IFTAP: variants seen among roughly 807,000 people sequenced by gnomAD.
IFTAP encodes the protein intraflagellar transport-associated protein.
A neutral mutation model predicts 19.4 loss-of-function variants in IFTAP; 19 were observed. The ratio of observed to expected loss-of-function variants is 0.98; its 90% CI spans 0.68 to 1.44. The LOEUF (loss-of-function observed/expected upper bound fraction) is 1.44. IFTAP is among the 40% of genes most tolerant of loss of function. The pLI is 0.00. For missense variants in IFTAP, 240 were observed against 253.6 expected, an observed-to-expected ratio of 0.95 and a Z score of 0.36; for synonymous variants, 85 against 83.5, an observed-to-expected ratio of 1.02 and a Z score of -0.10.
At chr11:36,645,126 A>G (rs1363896581) in intron 4 of IFTAP, among the ~76,000 whole-genome samples, 1 of 152,124 alleles carries the variant, frequency 6.6e-6, no homozygotes. Flanking sequence ...AAATGAACAG[A>G]CTGGTTAATT....
At chr11:36,609,987 G>C in intron 1 of IFTAP, 94 bp from the exon 2 acceptor site, 1 of 1,123,338 alleles carries the variant, frequency 8.9e-7, no homozygotes, top group Non-Finnish European at 1.3e-6. Flanking sequence ...CTTTGTTTTG[G>C]AGCCTTGGAA....
chr11:36,633,304 G>A lies in IFTAP; in HGVS notation c.157G>A (p.Gly53Arg). The change falls in exon 3 of 6, where the codon GGA (glycine) becomes AGA (arginine). Residue 53 changes from glycine (G) to arginine (R), a missense_variant. Gly to Arg is a moderately radical substitution (Grantham distance 125). Transcript: ENST00000334307. ...LSQEDHVSKR[G>R]VFGTDSSENI... ...TTCAGAGGATCATGTGTCCAAAAGG[G>A]GAGTGTTTGGAACTGATTCTTCAGA... The A allele has an allele frequency of 6.4e-7, 1 of 1,569,472 alleles. No homozygotes were observed. Among genetic ancestry groups the A allele is most frequent in the South Asian group, 1.2e-5 (1 of 80,852 alleles).
intron 2 of IFTAP, among the ~76,000 whole-genome samples, chr11:36,611,302 C>T (rs1851867835): frequency 6.6e-6 from 1 of 152,056 alleles, no homozygotes; most frequent in Non-Finnish European, 1.5e-5. Flanking sequence ...TACCTAGCTA[C>T]ACATTAGACT....
intron 4 of IFTAP, among the ~76,000 whole-genome samples, chr11:36,641,038 A>G (rs1217954513): frequency 6.6e-6 from 1 of 152,132 alleles, no homozygotes; most frequent in Non-Finnish European, 1.5e-5. Context: ...AAAGAAAAAT[A>G]TCCACAACTA....
intron 1 of IFTAP, among the ~76,000 whole-genome samples, chr11:36,607,724 A>G (rs1454171460): frequency 6.6e-6 from 1 of 151,912 alleles, no homozygotes; most frequent in Non-Finnish European, 1.5e-5. Flanking sequence ...CCTAGGACGG[A>G]GTGCAATGGT....
Position 36,619,136 on chromosome 11 carries a change from T to A in IFTAP, c.136+8897T>A, listed in dbSNP as rs187002631. On this transcript the variant is annotated intron_variant, in intron 2 of 5. Coordinates refer to ENST00000334307, the MANE Select transcript of IFTAP (RefSeq NM_138787.4). ...GTCTTTTAATTTTTTTTTTCTTTAT[T>A]GAGCGTTCGTTCTGTCAAGAGCTTA... Among the ~76,000 whole-genome samples the A allele has an allele frequency of 1.1e-4, 16 of 152,110 alleles. No homozygotes were observed. The East Asian group carries it at 2.9e-3, about 28-fold the overall frequency.
chr11:36,649,971 T>C (rs868445427), intron 5 of IFTAP, among the ~76,000 whole-genome samples: 1 of 152,116 alleles, frequency 6.6e-6, no homozygotes, highest in Non-Finnish European at 1.5e-5. Flanking sequence ...CAATGCTCAT[T>C]GGAGCATTAT....
intron 1 of IFTAP, chr11:36,594,897 A>G (rs2133319993): frequency 6.6e-6 from 1 of 151,490 alleles, no homozygotes; most frequent in South Asian, 2.1e-4. Flanking sequence ...TCAAAACTAC[A>G]CCCCTGACGA....
At chr11:36,598,335 C>T (rs959823782) in intron 1 of IFTAP, 1 of 151,976 alleles carries the variant, frequency 6.6e-6, no homozygotes, top group African/African-American at 2.4e-5. Context: ...GAGGGAGATA[C>T]CCAACAGGGT....
intron 1 of IFTAP, among the ~76,000 whole-genome samples, chr11:36,599,194 A>G (rs1471127205): frequency 6.6e-6 from 1 of 152,158 alleles, no homozygotes; most frequent in Non-Finnish European, 1.5e-5. Context: ...GGGTTTTGCC[A>G]TGTTGGCCAG....
At chr11:36,647,868 A>G (rs1013687370) in intron 4 of IFTAP, 148 bp from the exon 5 acceptor site, 4 of 854,782 alleles carry the variant, frequency 4.7e-6, no homozygotes, top group African/African-American at 1.7e-5. Flanking sequence ...CCTTGAGTCC[A>G]GTTCCCAAAG....
intron 5 of IFTAP, among the ~76,000 whole-genome samples, chr11:36,652,089 A>C (rs1376497973): frequency 6.6e-6 from 1 of 152,180 alleles, no homozygotes; most frequent in Non-Finnish European, 1.5e-5. Flanking sequence ...TTCTGTGAAG[A>C]AAGTCATTGG....
chr11:36,607,546 A>G (rs1169136097), intron 1 of IFTAP, among the ~76,000 whole-genome samples: 2 of 152,140 alleles, frequency 1.3e-5, no homozygotes, highest in African/African-American at 2.4e-5. Context: ...TCTCATGTTA[A>G]TTCAATCAGG....
chr11:36,596,229 T>TG (rs980812622), intron 1 of IFTAP, among the ~76,000 whole-genome samples: 6 of 150,848 alleles, frequency 4.0e-5, no homozygotes, highest in African/African-American at 1.2e-4. Flanking sequence ...TTTGTTTTTT[T>TG]TTTTTTTTGC....
At chr11:36,597,385 G>A (rs867352974) in intron 1 of IFTAP, among the ~76,000 whole-genome samples, 6 of 152,292 alleles carry the variant, frequency 3.9e-5, no homozygotes, top group Non-Finnish European at 5.9e-5. Context: ...AAAACAGGCA[G>A]ATTTAAAAGA....
At chr11:36,602,752 CAGTT>C (rs1396495431) in intron 1 of IFTAP, among the ~76,000 whole-genome samples, 3 of 151,672 alleles carry the variant, frequency 2.0e-5, no homozygotes, top group Admixed American at 6.6e-5. Context: ...GTCTAGAGGT[CAGTT>C]AGCGTGCTTA....
intron 1 of IFTAP, among the ~76,000 whole-genome samples, chr11:36,596,802 C>T: frequency 6.6e-6 from 1 of 152,154 alleles, no homozygotes; most frequent in East Asian, 1.9e-4. Context: ...TTTTTATTGT[C>T]GCCTCTTGGT....
In IFTAP at chr11:36,659,016, T is replaced by G. The variant is rs1330492943; in HGVS notation, c.499-3T>G. 6.3e-6 allele frequency: 10 copies of G among 1,579,586 alleles called. No homozygotes were observed. Among genetic ancestry groups the G allele is most frequent in the Non-Finnish European group, 8.6e-6 (10 of 1,161,274 alleles). On this transcript the variant is annotated splice_polypyrimidine_tract_variant and splice_region_variant and intron_variant, in intron 5 of 5. Transcript: ENST00000334307. ...TTTTTTCCTCCTTTGTTACCTTTTATAGATACTTGGAGATGAAGTTCAACT... is the reference window on the plus strand; with the variant it reads ...TTTTTTCCTCCTTTGTTACCTTTTAGAGATACTTGGAGATGAAGTTCAACT...
intron 5 of IFTAP, chr11:36,648,456 G>A (rs1853580658): frequency 8.9e-6 from 2 of 225,886 alleles, no homozygotes; most frequent in South Asian, 1.6e-4. Context: ...GCCCTTTTTA[G>A]TTTGAACTGG....
Sources: gnomAD v4.1 joint callset for allele counts (sites outside exome capture counted in the v4.1 genomes callset) on GRCh38, gnomAD v4.1.1 for gene constraint, MANE v1.5 for transcripts, NCBI Gene and HGNC (gene_info 2026-07-23, HGNC 2026-07-21) for gene names.